Variants in DIAPH1 observed in about 807,000 individuals in gnomAD.
DIAPH1 encodes protein diaphanous homolog 1.
In DIAPH1, 46 loss-of-function variants were observed where a neutral mutation model predicts 140.7. That is an observed-to-expected ratio of 0.33 (90% CI 0.26 to 0.42). The LOEUF is 0.42. Ranked by LOEUF, DIAPH1 falls within the 10% of genes least tolerant of loss-of-function variation. The probability of loss-of-function intolerance (pLI) is 1.00; values close to 1 mark genes in which losing one functional copy is unlikely to be tolerated. For missense variants in DIAPH1, 1,310 were observed against 1,558.7 expected (o/e 0.84, Z 2.69); for synonymous variants, 565 against 551.6 (o/e 1.02, Z -0.34).
Position 141,575,158 on chromosome 5 carries a change from AC to A in DIAPH1, c.1462-13del. Reference sequence around the variant, plus strand: ...AACTCTGAGTCCAACTAGAGAAAAAACGAATCAGGCTCCCAGCAAGCTCTCC... The same window carrying A: ...AACTCTGAGTCCAACTAGAGAAAAAAGAATCAGGCTCCCAGCAAGCTCTCC... On this transcript the variant is annotated splice_polypyrimidine_tract_variant and intron_variant, in intron 14 of 27. Transcript: ENST00000389054. 6.2e-7 allele frequency: 1 copy of A among 1,614,092 alleles called. No homozygotes were observed. The highest frequency in any genetic ancestry group is 8.5e-7 in the Non-Finnish European group (1 of 1,179,966).
intron 24 of DIAPH1, 115 bp downstream of exon 24, chr5:141,527,458 G>C: frequency 8.8e-7 from 1 of 1,142,194 alleles, no homozygotes; most frequent in Non-Finnish European, 1.2e-6. Context: ...TAAAGAAAAA[G>C]AGTTTTTTAA....
rs765135612 is a variant in DIAPH1, at chr5:141,528,423, G to C, written c.3148+30C>G. ...TTTCCCTCCCCATGCAGAGACTTTT[G>C]GGCTCTAGCTTCATTCCAAACTGCC... On this transcript the variant is annotated intron_variant, in intron 23 of 27. Transcript: ENST00000389054. The C allele has an allele frequency of 3.1e-6, 5 of 1,613,774 alleles. No homozygotes were observed. In the South Asian group the frequency reaches 5.5e-5, roughly 18 times the overall value.
At chr5:141,523,431 T>C (rs1207058824) in intron 27 of DIAPH1, among the ~76,000 whole-genome samples, 2 of 152,184 alleles carry the variant, frequency 1.3e-5, no homozygotes, top group East Asian at 3.9e-4. Flanking sequence ...AGGGAACTTA[T>C]TCATTAATCT....
intron 2 of DIAPH1, among the ~76,000 whole-genome samples, 182 bp downstream of exon 2, chr5:141,588,042 G>A (rs2099897807): frequency 6.6e-6 from 1 of 152,140 alleles, no homozygotes; most frequent in African/African-American, 2.4e-5. Context: ...AGATAATGAA[G>A]GTCCACGGAA....
chr5:141,605,534 T>C (rs183852591), intron 1 of DIAPH1, among the ~76,000 whole-genome samples: 2 of 152,338 alleles, frequency 1.3e-5, no homozygotes, highest in East Asian at 1.9e-4. Flanking sequence ...CAGTGGTATT[T>C]TGCTTAAGGA....
intron 18 of DIAPH1, among the ~76,000 whole-genome samples, chr5:141,537,129 C>G (rs2154595205): frequency 6.6e-6 from 1 of 152,050 alleles, no homozygotes; most frequent in East Asian, 1.9e-4. Context: ...GACTGTGCCA[C>G]TGCACTCCAG....
Position 141,582,312 on chromosome 5 carries a change from C to T in DIAPH1, c.684G>A (p.Lys228=). The T allele has an allele frequency of 1.2e-6, 2 of 1,613,328 alleles. No homozygotes were observed. Among genetic ancestry groups the T allele is most frequent in the Non-Finnish European group, 1.7e-6 (2 of 1,179,354 alleles). ...GGAATGAGAATGGGAAAAATCTCAC[C>T]TTGTTGTTCATAAAAGCTTTCAAGC... ...IRCLKAFMNN[K]FGIKTMLETE... The change falls in exon 7 of 28, where the codon AAG becomes AAA. Residue 228 remains lysine, a splice_region_variant and synonymous_variant. Transcript: ENST00000389054.
chr5:141,583,127 C>T lies in DIAPH1; in HGVS notation c.620+79G>A, dbSNP rs367685014. Reference sequence around the variant, plus strand: ...TAGCCCACAACTTTACATTTAACTGCTACTTTCTCCTTCAGAGCAAATAGC... The same window carrying T: ...TAGCCCACAACTTTACATTTAACTGTTACTTTCTCCTTCAGAGCAAATAGC... On this transcript the variant is annotated intron_variant, in intron 6 of 27. Transcript: ENST00000389054. 9.6e-6 allele frequency: 12 copies of T among 1,252,002 alleles called. No homozygotes were observed. The Admixed American group carries it at 1.3e-4, about 14-fold the overall frequency. The allele number at this position is 1,252,002 out of a possible 1,614,324, so 77.6% of individuals were successfully genotyped here. A position where few individuals can be genotyped will look rare whatever the true frequency, so the allele number is the denominator to read the frequency against.
rs2099903071 is a variant in DIAPH1, at chr5:141,618,543, G to T, written c.117+255C>A. 1.0e-5 allele frequency: 4 copies of T among 385,336 alleles called. No homozygotes were observed. In the Admixed American group the frequency reaches 1.9e-4, roughly 18 times the overall value. The allele number at this position is 385,336 out of a possible 1,614,324, so 23.9% of individuals were successfully genotyped here. On this transcript the variant is annotated intron_variant, in intron 1 of 27. Coordinates refer to ENST00000389054, the MANE Select transcript of DIAPH1 (RefSeq NM_005219.5). Reference sequence around the variant, plus strand: ...GAGAGCCGGCCGGGGATATGCGGGCGGGAGGGCAGAATGTAAGGGCTGGGG... The same window carrying T: ...GAGAGCCGGCCGGGGATATGCGGGCTGGAGGGCAGAATGTAAGGGCTGGGG...
rs1237215909 is a variant in DIAPH1, at chr5:141,528,929, G to C, written c.2791C>G (p.Pro931Ala). Residue 931 changes from proline (P) to alanine (A), a missense_variant, in exon 22 of 28, where the codon CCC becomes GCC. Around this residue, in one of 3 missense-constraint regions of DIAPH1, gnomAD observed 344 missense variants for 512.2 expected, o/e 0.67. Coordinates refer to ENST00000389054, the MANE Select transcript of DIAPH1 (RefSeq NM_005219.5). ...GCATTGAGGCGAGGCCGCAGTCGGG[G>C]CACAGTGCCCATCTAGTAAAGAACA... ...EQFGVVMGTV[P>A]RLRPRLNAIL... The C allele has an allele frequency of 6.2e-7, 1 of 1,613,788 alleles. No homozygotes were observed. Among genetic ancestry groups the C allele is most frequent in the Non-Finnish European group, 8.5e-7 (1 of 1,180,046 alleles).
At position 141,573,981 on chromosome 5, in the gene DIAPH1, C is replaced by T; in HGVS notation, c.1869G>A (p.Gly623=). Reference sequence around the variant, plus strand: ...AAGGGGGTGAGGAGATGCAAACACCCCCAGGCAAAGGAGGTGGAGGAGGAG... The same window carrying T: ...AAGGGGGTGAGGAGATGCAAACACCTCCAGGCAAAGGAGGTGGAGGAGGAG... ...PPPPPPPPLP[G]GVCISSPPSL... The change falls in exon 16 of 28, where the codon GGG becomes GGA. Residue 623 remains glycine (G), a synonymous_variant. Transcript: ENST00000389054. 1.3e-6 allele frequency: 2 copies of T among 1,545,356 alleles called. No homozygotes were observed. The highest frequency in any genetic ancestry group is 1.7e-6 in the Non-Finnish European group (2 of 1,145,130).
rs1463670582 is a variant in DIAPH1, at chr5:141,575,026, G to A, written c.1582C>T (p.Gln528Ter). ...TCCTGTTTCTCTGTGGCAATTTGCT[G>A]CTTTTCAGAATGCAGTGCATCTTTT... ...GEKDALHSEKQQIATEKQDLE... is the reference protein window; with the variant it reads ...GEKDALHSEK The change falls in exon 15 of 28, where the codon CAG (glutamine) becomes TAG (stop). Residue 528 changes from glutamine to a stop codon, truncating the protein, a stop_gained. Transcript: ENST00000389054. LOFTEE classifies it high-confidence loss of function. The A allele has an allele frequency of 6.2e-7, 1 of 1,614,122 alleles. No homozygotes were observed. Among genetic ancestry groups the A allele is most frequent in the Admixed American group, 1.7e-5 (1 of 60,010 alleles).
chr5:141,587,322 G>T, intron 2 of DIAPH1, 125 bp from the exon 3 acceptor site: 1 of 911,858 alleles, frequency 1.1e-6, no homozygotes, highest in Non-Finnish European at 1.7e-6. Flanking sequence ...AGCAGTTCAA[G>T]ACTCTTCTGA....
At chr5:141,525,479 G>A (rs1455412126) in intron 26 of DIAPH1, among the ~76,000 whole-genome samples, 2 of 152,172 alleles carry the variant, frequency 1.3e-5, no homozygotes, top group Non-Finnish European at 1.5e-5. Flanking sequence ...TTTCAACAAA[G>A]ACATGCTTCT....
chr5:141,553,143 T>C (rs2099892001), intron 18 of DIAPH1, among the ~76,000 whole-genome samples: 1 of 151,948 alleles, frequency 6.6e-6, no homozygotes, highest in African/African-American at 2.4e-5. Flanking sequence ...GATACAAAAA[T>C]TAGCTGGGTG....
chr5:141,569,707 A>G (rs1651966954), intron 18 of DIAPH1, among the ~76,000 whole-genome samples: 1 of 152,182 alleles, frequency 6.6e-6, no homozygotes, highest in Non-Finnish European at 1.5e-5. Context: ...GGCTGCAGTG[A>G]GCACGATCGC....
chr5:141,532,783 ATTTTC>A (rs1298409608), intron 19 of DIAPH1, among the ~76,000 whole-genome samples: 4 of 152,144 alleles, frequency 2.6e-5, no homozygotes, highest in African/African-American at 7.2e-5. Context: ...ACTACTCTCA[ATTTTC>A]TTTTCTTAAA....
chr5:141,616,829 A>G (rs1444276844), intron 1 of DIAPH1, among the ~76,000 whole-genome samples: 1 of 152,224 alleles, frequency 6.6e-6, no homozygotes, highest in African/African-American at 2.4e-5. Context: ...AACTTGGTTC[A>G]GCTCCATCCT....
intron 4 of DIAPH1, among the ~76,000 whole-genome samples, chr5:141,583,870 A>C (rs1307959796): frequency 1.3e-5 from 2 of 152,136 alleles, no homozygotes; most frequent in Non-Finnish European, 2.9e-5. Context: ...CCCATCTCAC[A>C]TACCACCAAC....
Sources: allele counts gnomAD v4.1 joint callset (sites outside exome capture counted in the v4.1 genomes callset), GRCh38; gene constraint gnomAD v4.1.1; regional missense constraint gnomAD v4.1.1; transcripts MANE v1.5; gene names NCBI Gene and HGNC (gene_info 2026-07-23, HGNC 2026-07-21).